GPR107: variants seen among roughly 807,000 people sequenced by gnomAD.
GPR107 encodes G protein-coupled receptor 107.
GPR107 carries 31 observed loss-of-function variants against 75.5 expected under a neutral mutation model. The observed-to-expected ratio is 0.41, with a 90% confidence interval of 0.31 to 0.55. The LOEUF (loss-of-function observed/expected upper bound fraction) is 0.55. Among genes scored for constraint, GPR107 ranks in the 20% least tolerant of loss-of-function variants. The pLI is 0.26. For synonymous variants in GPR107, 267 were observed against 251.3 expected (o/e 1.06, Z -0.59); for missense variants, 572 against 665.7 (o/e 0.86, Z 1.55).
chr9:130,062,240 C>G (rs1829942181), intron 1 of GPR107, among the ~76,000 whole-genome samples: 1 of 151,502 alleles, frequency 6.6e-6, no homozygotes, highest in Non-Finnish European at 1.5e-5. Flanking sequence ...TGGTAAAACC[C>G]CATCTCTACT....
In GPR107 at chr9:130,075,703, A is replaced by T; in HGVS notation, c.209A>T (p.Asn70Ile). 2.5e-6 allele frequency: 4 copies of T among 1,607,540 alleles called. No homozygotes were observed. Among genetic ancestry groups the T allele is most frequent in the Non-Finnish European group, 2.6e-6 (3 of 1,174,156 alleles). ...GFFKDGYMVVNVSSLSLNEPE... is the reference protein window; with the variant it reads ...GFFKDGYMVVIVSSLSLNEPE... ...TTCAAGGATGGGTACATGGTGGTGA[A>T]TGTCAGTAGCCTCTCACTGAATGAG... is the stretch of plus-strand genomic sequence containing the variant. The change falls in exon 2 of 18, where the codon AAT (asparagine) becomes ATT (isoleucine). Residue 70 changes from asparagine to isoleucine, a missense_variant. By Grantham distance (149) the Asn-to-Ile change is moderately radical. Coordinates refer to ENST00000347136, the MANE Select transcript of GPR107 (RefSeq NM_020960.5).
chr9:130,109,820 C>T (rs113661853), intron 14 of GPR107, among the ~76,000 whole-genome samples: 5,013 of 152,246 alleles, frequency 0.033, 276 homozygotes, highest in African/African-American at 0.11. Flanking sequence ...CCACCTGCCT[C>T]GGCCTCCCAA....
In GPR107 at chr9:130,109,739, T is replaced by G. The variant is rs538307342; in HGVS notation, c.1306+2200T>G. 2.3e-3 allele frequency among the ~76,000 whole-genome samples: 347 copies of G among 151,788 alleles called. 1 individual carries two copies. The highest frequency in any genetic ancestry group is 8.0e-3 in the African/African-American group (331 of 41,376). ...CACCCACCACCACACCCAGCTAATG[T>G]TTTGTATTTTTAGTAGAGACAGGGT... On this transcript the variant is annotated intron_variant, in intron 14 of 17. Transcript: ENST00000347136.
At chr9:130,062,698 CTTCCGTTT>C (rs1564657773) in intron 1 of GPR107, among the ~76,000 whole-genome samples, 5 of 144,216 alleles carry the variant, frequency 3.5e-5, no homozygotes. Flanking sequence ...TCCTTCCTTC[CTTCCGTTT>C]GTCTGTCCAT....
chr9:130,094,505 C>T (rs956068195), intron 9 of GPR107, among the ~76,000 whole-genome samples: 8 of 151,962 alleles, frequency 5.3e-5, no homozygotes, highest in Admixed American at 2.0e-4. Context: ...CCCAAGGGTT[C>T]GAGGCTGTAG....
intron 4 of GPR107, 22 bp from the exon 5 acceptor site, chr9:130,079,608 C>T (rs756825656): frequency 1.2e-6 from 2 of 1,608,742 alleles, no homozygotes; most frequent in Admixed American, 1.7e-5. Flanking sequence ...ACCTTTTTTC[C>T]TTCTGTCTTA....
At chr9:130,098,942 G>A (rs1465825516) in intron 9 of GPR107, among the ~76,000 whole-genome samples, 2 of 152,124 alleles carry the variant, frequency 1.3e-5, no homozygotes, top group East Asian at 1.9e-4. Context: ...GATCCCGGGA[G>A]GTGGAGTTAG....
intron 17 of GPR107, among the ~76,000 whole-genome samples, chr9:130,132,806 A>T (rs117061216): frequency 0.027 from 3,623 of 132,202 alleles, 74 homozygotes; most frequent in East Asian, 0.11. Context: ...ATAAAAAAAA[A>T]ATATATATAT....
At position 130,071,043 on chromosome 9, in the gene GPR107, T is replaced by TTTC. The variant is rs576077348; in HGVS notation, c.142-4591_142-4590insCTT. On this transcript the variant is annotated intron_variant, in intron 1 of 17. Transcript: ENST00000347136. ...CCTAACTTTTTTTTTTTCTTTTTTT[T>TTTC]TTTTTTTTTTGAGACAGAGTCACAC... is the stretch of plus-strand genomic sequence containing the variant. Among the ~76,000 whole-genome samples the TTTC allele has an allele frequency of 2.6e-3, 373 of 143,460 alleles. 5 individuals carry two copies. The highest frequency in any genetic ancestry group is 3.4e-3 in the Non-Finnish European group (220 of 65,488). The allele number at this position is 143,460 out of a possible 152,430, so 94.1% of individuals were successfully genotyped here.
chr9:130,076,893 G>GT (rs910446712), intron 3 of GPR107, among the ~76,000 whole-genome samples: 124 of 145,712 alleles, frequency 8.5e-4, no homozygotes, highest in Middle Eastern at 3.6e-3. Context: ...TTTGTTTTTT[G>GT]TTTTTTTTTT....
chr9:130,054,119 T>C (rs1396780599), intron 1 of GPR107, 46 bp downstream of exon 1: 8 of 1,487,082 alleles, frequency 5.4e-6, no homozygotes, highest in Non-Finnish European at 6.3e-6. Flanking sequence ...CCGAGGCCAC[T>C]CCCCGGGTTT....
At chr9:130,060,402 GTTTT>G (rs11403227) in intron 1 of GPR107, among the ~76,000 whole-genome samples, 5 of 75,870 alleles carry the variant, frequency 6.6e-5, no homozygotes, top group South Asian at 5.4e-4. Flanking sequence ...GATAATCCGA[GTTTT>G]TTTTTTTTTT....
chr9:130,093,252 G>A (rs187743486), intron 9 of GPR107, among the ~76,000 whole-genome samples: 2 of 152,116 alleles, frequency 1.3e-5, no homozygotes, highest in East Asian at 1.9e-4. Context: ...CCTGTACTTG[G>A]TTCTTGAGGG....
intron 4 of GPR107, 65 bp downstream of exon 4, chr9:130,077,443 G>A: frequency 1.2e-6 from 1 of 839,924 alleles, no homozygotes; most frequent in Non-Finnish European, 2.1e-6. Context: ...TTAGTAGTAT[G>A]CTAACATTCC....
chr9:130,120,446 C>T (rs951935427), intron 14 of GPR107, among the ~76,000 whole-genome samples: 3 of 152,174 alleles, frequency 2.0e-5, no homozygotes, highest in Admixed American at 6.5e-5. Flanking sequence ...ACCTGCAGTG[C>T]CTTAACCTCT....
chr9:130,096,648 C>T (rs921385010), intron 9 of GPR107, among the ~76,000 whole-genome samples: 1 of 151,532 alleles, frequency 6.6e-6, no homozygotes, highest in African/African-American at 2.4e-5. Flanking sequence ...TTGTATTTTT[C>T]GTAGAGACGG....
chr9:130,088,140 A>G (rs1186489276), intron 7 of GPR107, among the ~76,000 whole-genome samples: 1 of 152,106 alleles, frequency 6.6e-6, no homozygotes. Flanking sequence ...TCTGTCTTGG[A>G]GTAAAGCCCA....
chr9:130,085,778 G>T (rs1830601961), intron 6 of GPR107, among the ~76,000 whole-genome samples: 1 of 24,778 alleles, frequency 4.0e-5, no homozygotes, highest in African/African-American at 1.8e-4. Flanking sequence ...TTTTGCCGGG[G>T]GGAACGCAGT....
intron 9 of GPR107, among the ~76,000 whole-genome samples, chr9:130,096,331 C>G (rs1288236225): frequency 1.3e-5 from 2 of 152,062 alleles, no homozygotes; most frequent in East Asian, 3.9e-4. Flanking sequence ...ACTGATATCC[C>G]TTTGTGGTAC....
Sources: gnomAD v4.1 joint callset for allele counts (sites outside exome capture counted in the v4.1 genomes callset) on GRCh38, gnomAD v4.1.1 for gene constraint, MANE v1.5 for transcripts, NCBI Gene and HGNC (gene_info 2026-07-23, HGNC 2026-07-21) for gene names.